The following TMEM117 variants were observed in gnomAD, a reference collection of about 807,000 sequenced individuals.
TMEM117 encodes transmembrane protein 117.
TMEM117 carries 27 observed loss-of-function variants against 52.4 expected under a neutral mutation model. The ratio of observed to expected loss-of-function variants is 0.51; its 90% CI spans 0.38 to 0.71. The LOEUF (loss-of-function observed/expected upper bound fraction) is 0.71, where lower values mean the gene tolerates loss of function less well. Among genes scored for constraint, TMEM117 ranks in the 30% least tolerant of loss-of-function variants. TMEM117 has a pLI of 0.00. For synonymous variants in TMEM117, 215 were observed against 206.3 expected, an observed-to-expected ratio of 1.04 and a Z score of -0.36; for missense variants, 556 against 630.5, an observed-to-expected ratio of 0.88 and a Z score of 1.26.
intron 6 of TMEM117, among the ~76,000 whole-genome samples, chr12:44,354,039 A>G (rs761827437): frequency 1.3e-5 from 2 of 151,978 alleles, no homozygotes; most frequent in East Asian, 1.9e-4. Flanking sequence ...CTTCCTAGGT[A>G]TTTTATTCTC....
chr12:43,951,328 G>A (rs1018770094), intron 3 of TMEM117, among the ~76,000 whole-genome samples: 9 of 152,180 alleles, frequency 5.9e-5, no homozygotes, highest in Non-Finnish European at 1.3e-4. Flanking sequence ...CTTAAGCCAG[G>A]GAGCCAAGTG....
intron 6 of TMEM117, among the ~76,000 whole-genome samples, chr12:44,373,444 C>T (rs755834897): frequency 1.3e-5 from 2 of 152,226 alleles, no homozygotes; most frequent in Admixed American, 1.3e-4. Context: ...TCCTTTTTCT[C>T]CTGGACCTTG....
At chr12:44,097,133 A>G (rs1947779444) in intron 3 of TMEM117, among the ~76,000 whole-genome samples, 1 of 152,240 alleles carries the variant, frequency 6.6e-6, no homozygotes, top group African/African-American at 2.4e-5. Flanking sequence ...ATCACTGGCC[A>G]TCAGAGAAAT....
chr12:44,381,280 TCTC>T (rs1292245812), intron 7 of TMEM117, among the ~76,000 whole-genome samples: 2 of 152,184 alleles, frequency 1.3e-5, no homozygotes, highest in Non-Finnish European at 2.9e-5. Context: ...AGTTCATTGT[TCTC>T]CTCCTAAAAG....
At chr12:44,398,433 G>A in the TMEM117 span, among the ~76,000 whole-genome samples, 58 of 152,328 alleles carry the variant, frequency 3.8e-4, no homozygotes, top group African/African-American at 1.4e-3. Context: ...CCCAAGCTGG[G>A]ACGTCAACCA....
At chr12:44,390,474 A>G (rs532240956), downstream of TMEM117, among the ~76,000 whole-genome samples, 3 of 152,254 alleles carry the variant, frequency 2.0e-5, no homozygotes, top group Admixed American at 6.6e-5. Flanking sequence ...TTTATTATCA[A>G]TATGCATGAC....
chr12:43,888,694 C>T lies in TMEM117; in HGVS notation c.277+43766C>T, dbSNP rs569287167. Among the ~76,000 whole-genome samples the T allele has an allele frequency of 2.0e-4, 30 of 151,212 alleles. No individual in the cohort carries two copies. In the South Asian group the frequency reaches 6.3e-3, roughly 32 times the overall value. Reference sequence around the variant, plus strand: ...TCCCGAGTAGCTGGGACTACAGGTGCCTGCCACCACACCTGGCTAATTTTT... The same window carrying T: ...TCCCGAGTAGCTGGGACTACAGGTGTCTGCCACCACACCTGGCTAATTTTT... On this transcript the variant is annotated intron_variant, in intron 2 of 7. Coordinates refer to ENST00000266534, the MANE Select transcript of TMEM117 (RefSeq NM_032256.3).
chr12:44,184,086 C>A (rs1417019668), intron 4 of TMEM117, among the ~76,000 whole-genome samples: 9 of 152,160 alleles, frequency 5.9e-5, no homozygotes, highest in Non-Finnish European at 8.8e-5. Flanking sequence ...TGGCTTCCAC[C>A]TGTAATCCCA....
chr12:44,036,541 G>T (rs1000424830), intron 3 of TMEM117, among the ~76,000 whole-genome samples: 1 of 152,110 alleles, frequency 6.6e-6, no homozygotes, highest in Non-Finnish European at 1.5e-5. Flanking sequence ...ATTTTTCTGA[G>T]ATATAGCAAT....
intron 6 of TMEM117, among the ~76,000 whole-genome samples, chr12:44,309,706 T>C (rs957037001): frequency 6.6e-5 from 10 of 151,802 alleles, no homozygotes; most frequent in African/African-American, 2.4e-4. Flanking sequence ...ATTTATAACT[T>C]TACAAATGAG....
chr12:44,186,391 A>C (rs924594616), intron 4 of TMEM117, among the ~76,000 whole-genome samples: 2 of 152,186 alleles, frequency 1.3e-5, no homozygotes, highest in African/African-American at 4.8e-5. Context: ...TTCATTCTAC[A>C]ACTTGTTTGT....
intron 5 of TMEM117, among the ~76,000 whole-genome samples, chr12:44,216,088 A>G (rs2138413134): frequency 6.8e-6 from 1 of 146,976 alleles, no homozygotes; most frequent in East Asian, 2.0e-4. Flanking sequence ...GCTCACTGCA[A>G]CTTGTGCCTC....
chr12:44,161,048 G>A (rs2138253723), intron 4 of TMEM117, among the ~76,000 whole-genome samples: 1 of 152,232 alleles, frequency 6.6e-6, no homozygotes, highest in South Asian at 2.1e-4. Context: ...GCCACTAATT[G>A]GCTATAATCA....
chr12:43,944,289 C>T lies in TMEM117; in HGVS notation c.357C>T (p.Leu119=), dbSNP rs1376918372. ...TGTTCTTCAGCACAATTCTCTTTCT[C>T]TTCATATTTTCTCACATATACAACA... The part of the protein sequence containing the change: ...MTMFFSTILF[L]FIFSHIYNTI... Residue 119 remains leucine (L), a synonymous_variant, in exon 3 of 8, where the codon CTC becomes CTT. Transcript: ENST00000266534. 2 of 1,613,244 alleles carry T rather than the reference C, an allele frequency of 1.2e-6. No individual in the cohort carries two copies. Among genetic ancestry groups the T allele is most frequent in the Admixed American group, 3.3e-5 (2 of 60,002 alleles).
At chr12:43,830,397 A>G in the TMEM117 span, among the ~76,000 whole-genome samples, 1 of 151,892 alleles carries the variant, frequency 6.6e-6, no homozygotes, top group African/African-American at 2.4e-5. Flanking sequence ...TCACGAGGTC[A>G]GGAGTTCAAG....
At chr12:43,799,555 G>A in the TMEM117 span, 4 of 1,068,566 alleles carry the variant, frequency 3.7e-6, no homozygotes, top group East Asian at 2.7e-5. Flanking sequence ...TAAAATGACA[G>A]TGAAGTTACT....
chr12:44,183,658 G>A (rs1024006713), intron 4 of TMEM117, among the ~76,000 whole-genome samples: 3 of 152,110 alleles, frequency 2.0e-5, no homozygotes, highest in African/African-American at 7.2e-5. Context: ...TTAAAAATAG[G>A]ATCAAAGGCA....
At chr12:44,326,065 A>G (rs1399013087) in intron 6 of TMEM117, among the ~76,000 whole-genome samples, 1 of 152,142 alleles carries the variant, frequency 6.6e-6, no homozygotes, top group Non-Finnish European at 1.5e-5. Context: ...CCAGAGGCTG[A>G]GGTGGGAGAA....
At chr12:43,908,375 C>A (rs1944431008) in intron 2 of TMEM117, among the ~76,000 whole-genome samples, 2 of 100,044 alleles carry the variant, frequency 2.0e-5, no homozygotes, top group African/African-American at 5.5e-5. Context: ...ACAACCAATA[C>A]CAGCCACTGC....
Sources: allele counts gnomAD v4.1 joint callset (sites outside exome capture counted in the v4.1 genomes callset), GRCh38; gene constraint gnomAD v4.1.1; transcripts MANE v1.5; gene names NCBI Gene and HGNC (gene_info 2026-07-23, HGNC 2026-07-21).